The following ABCB1 variants were observed in gnomAD, a reference collection of about 807,000 sequenced individuals.
ABCB1 encodes the protein ATP binding cassette subfamily B member 1, also known as ATP-dependent translocase ABCB1.
In ABCB1, 69 loss-of-function variants were observed where a neutral mutation model predicts 142.0. The ratio of observed to expected loss-of-function variants is 0.49; its 90% CI spans 0.40 to 0.59. The LOEUF (loss-of-function observed/expected upper bound fraction) is 0.59, where lower values mean the gene tolerates loss of function less well. ABCB1 is among the 20% of genes least tolerant of loss of function. The pLI, the probability that ABCB1 is intolerant of heterozygous loss-of-function variation, is 0.00. For synonymous variants in ABCB1, 532 were observed against 539.2 expected (o/e 0.99, Z 0.18); for missense variants, 1,326 against 1,554.7 (o/e 0.85, Z 2.47).
At chr7:87,627,899 A>C (rs1445748648) in intron 1 of ABCB1, 2 of 152,294 alleles carry the variant, frequency 1.3e-5, no homozygotes, top group Non-Finnish European at 2.9e-5. Context: ...TGTCGGCACT[A>C]GACGCGCCAA....
intron 1 of ABCB1, among the ~76,000 whole-genome samples, chr7:87,616,919 T>C (rs1469579612): frequency 6.6e-6 from 1 of 152,170 alleles, no homozygotes; most frequent in Non-Finnish European, 1.5e-5. Flanking sequence ...AATTGGTCTG[T>C]CTCTTCATCT....
intron 1 of ABCB1, among the ~76,000 whole-genome samples, chr7:87,613,195 A>G (rs1270472664): frequency 6.6e-6 from 1 of 150,640 alleles, no homozygotes; most frequent in Non-Finnish European, 1.5e-5. Flanking sequence ...TTCTAGGCAT[A>G]AGACCATATC....
chr7:87,585,746 C>T (rs1818724688), intron 3 of ABCB1, 66 bp from the exon 4 acceptor site: 1 of 1,546,988 alleles, frequency 6.5e-7, no homozygotes, highest in Admixed American at 1.8e-5. Context: ...ATTTGCTTTT[C>T]CTTCAAAATA....
intron 4 of ABCB1, among the ~76,000 whole-genome samples, chr7:87,572,475 A>G (rs970360527): frequency 6.6e-6 from 1 of 152,188 alleles, no homozygotes; most frequent in Non-Finnish European, 1.5e-5. Flanking sequence ...CAGCCATCAA[A>G]ATACATAGAA....
intron 8 of ABCB1, among the ~76,000 whole-genome samples, chr7:87,558,822 A>G (rs778014203): frequency 3.9e-5 from 6 of 151,912 alleles, no homozygotes; most frequent in Non-Finnish European, 7.4e-5. Context: ...TTCCCCTTAC[A>G]TCACAACAAA....
chr7:87,544,028 A>T, intron 17 of ABCB1, 101 bp downstream of exon 17: 4 of 1,421,688 alleles, frequency 2.8e-6, no homozygotes, highest in Non-Finnish European at 4.0e-6. Context: ...AGATACGTGG[A>T]TTTTGTTGTT....
intron 19 of ABCB1, among the ~76,000 whole-genome samples, chr7:87,537,357 G>A (rs1220014742): frequency 2.0e-5 from 3 of 152,192 alleles, no homozygotes; most frequent in East Asian, 3.8e-4. Flanking sequence ...TTTGGGCAGT[G>A]GGATATGATT....
At chr7:87,617,183 A>C (rs1820058762) in intron 1 of ABCB1, among the ~76,000 whole-genome samples, 1 of 152,222 alleles carries the variant, frequency 6.6e-6, no homozygotes, top group South Asian at 2.1e-4. Context: ...TCTGTTTGCT[A>C]AATTTCACTT....
chr7:87,710,517 G>A (rs564705682), intron 1 of ABCB1: 13 of 1,080,342 alleles, frequency 1.2e-5, no homozygotes, highest in Non-Finnish European at 1.8e-5. Flanking sequence ...TGGCACAGTG[G>A]CAAAATATTT....
At chr7:87,656,985 A>G (rs189110036) in intron 1 of ABCB1, among the ~76,000 whole-genome samples, 4 of 152,268 alleles carry the variant, frequency 2.6e-5, no homozygotes, top group Admixed American at 2.6e-4. Flanking sequence ...CATAGCTTCT[A>G]TCATATCAAA....
intron 1 of ABCB1, among the ~76,000 whole-genome samples, chr7:87,630,235 G>C (rs1026823031): frequency 6.6e-6 from 1 of 152,094 alleles, no homozygotes; most frequent in African/African-American, 2.4e-5. Flanking sequence ...ATCTTAAGTG[G>C]AATACAGATA....
chr7:87,563,775 A>G (rs978557754), intron 7 of ABCB1, among the ~76,000 whole-genome samples: 13 of 152,194 alleles, frequency 8.5e-5, no homozygotes, highest in East Asian at 7.7e-4. Context: ...ATGCCCATCA[A>G]TGATAGACTG....
intron 19 of ABCB1, among the ~76,000 whole-genome samples, chr7:87,537,549 A>C (rs1403476895): frequency 6.6e-6 from 1 of 152,166 alleles, no homozygotes; most frequent in Non-Finnish European, 1.5e-5. Flanking sequence ...TCGCTTACTG[A>C]TATAGGGGAA....
chr7:87,553,903 CT>C lies in ABCB1; in HGVS notation c.856del (p.Arg286GlufsTer4). Reference protein sequence around the residue: ...RYNKNLEEAKRIGIKKAITAN... With the variant: ...RYNKNLEEAKXIGIKKAITAN... ...TGTAATAGCTTTCTTTATCCCAATT[CT>C]TTTAGCTTCTTCTAAATTTTTGTTG... On this transcript the variant is annotated frameshift_variant, in exon 9 of 28. Coordinates refer to ENST00000622132, the MANE Select transcript of ABCB1 (RefSeq NM_001348946.2). LOFTEE classifies it high-confidence loss of function. The C allele has an allele frequency of 6.2e-7, 1 of 1,613,954 alleles. No individual in the cohort carries two copies.
At chr7:87,592,263 G>A (rs568062827) in intron 3 of ABCB1, among the ~76,000 whole-genome samples, 2 of 152,170 alleles carry the variant, frequency 1.3e-5, no homozygotes, top group Non-Finnish European at 2.9e-5. Context: ...ATGATGTAAG[G>A]TCCCTGAGAA....
chr7:87,629,283 G>A (rs1820961340), intron 1 of ABCB1: 1 of 230,720 alleles, frequency 4.3e-6, no homozygotes, highest in Admixed American at 5.7e-5. Context: ...TGCCCATTCA[G>A]CTGTCAGCGA....
intron 20 of ABCB1, chr7:87,531,789 A>G: frequency 2.8e-6 from 1 of 362,270 alleles, no homozygotes; most frequent in Non-Finnish European, 5.1e-6. Context: ...TACTAAAGCA[A>G]TATCTGCAAA....
At chr7:87,670,911 G>T (rs978600851) in intron 1 of ABCB1, among the ~76,000 whole-genome samples, 1 of 152,182 alleles carries the variant, frequency 6.6e-6, no homozygotes, top group African/African-American at 2.4e-5. Flanking sequence ...CCCCTTGAAT[G>T]CTGGCTGTAG....
At chr7:87,651,008 A>C in intron 1 of ABCB1, 2 of 879,454 alleles carry the variant, frequency 2.3e-6, no homozygotes, top group African/African-American at 1.7e-5. Context: ...TTTAGAAATC[A>C]TACAGTCTGT....
Sources: gnomAD v4.1 joint callset for allele counts (sites outside exome capture counted in the v4.1 genomes callset) on GRCh38, gnomAD v4.1.1 for gene constraint, MANE v1.5 for transcripts, NCBI Gene and HGNC (gene_info 2026-07-23, HGNC 2026-07-21) for gene names.